The following NARS1 variants were observed in gnomAD, a reference collection of about 807,000 sequenced individuals.
NARS1 encodes the protein asparagine--tRNA ligase, cytoplasmic.
A neutral mutation model predicts 79.2 loss-of-function variants in NARS1; 65 were observed. That is an observed-to-expected ratio of 0.82 (90% CI 0.67 to 1.01). The LOEUF (loss-of-function observed/expected upper bound fraction) is 1.01, where lower values mean the gene tolerates loss of function less well. NARS1 is among the 50% of genes least tolerant of loss of function. The probability of loss-of-function intolerance (pLI) is 0.00; values close to 1 mark genes in which losing one functional copy is unlikely to be tolerated. For synonymous variants in NARS1, 229 were observed against 238.8 expected (o/e 0.96, Z 0.38); for missense variants, 649 against 673.8 (o/e 0.96, Z 0.41).
At chr18:57,606,504 G>A (rs2051558442) in intron 10 of NARS1, 112 bp downstream of exon 10, 1 of 999,232 alleles carries the variant, frequency 1.0e-6, no homozygotes, top group Non-Finnish European at 1.5e-6. Context: ...AAAATAATTA[G>A]TCACTTATTT....
chr18:57,607,705 A>C (rs753653796), intron 7 of NARS1, 40 bp from the exon 8 acceptor site: 9 of 1,505,096 alleles, frequency 6.0e-6, no homozygotes, highest in South Asian at 2.4e-5. Flanking sequence ...AAGAGGGAAA[A>C]GGAAATAAAA....
At chr18:57,602,523 T>C (rs373890998) in intron 12 of NARS1, 37 bp from the exon 13 acceptor site, 2 of 1,610,554 alleles carry the variant, frequency 1.2e-6, no homozygotes, top group African/African-American at 2.7e-5. Flanking sequence ...ACAATTACTA[T>C]CAAGCGATCA....
At chr18:57,610,529 A>G (rs7227010) in intron 6 of NARS1, among the ~76,000 whole-genome samples, 32,601 of 152,166 alleles carry the variant, frequency 0.21, 4,286 homozygotes, top group African/African-American at 0.37. Context: ...TGATGCAACT[A>G]AAAGAACACA....
At chr18:57,609,309 C>G (rs1262350139) in intron 7 of NARS1, 48 bp downstream of exon 7, 2 of 1,443,938 alleles carry the variant, frequency 1.4e-6, no homozygotes, top group Non-Finnish European at 1.9e-6. Flanking sequence ...GAAAACAAAC[C>G]AATAAATAAA....
intron 2 of NARS1, among the ~76,000 whole-genome samples, chr18:57,617,424 T>C (rs1397506916): frequency 6.7e-6 from 1 of 149,502 alleles, no homozygotes; most frequent in Non-Finnish European, 1.5e-5. Context: ...TACAAAAAAT[T>C]AGCCGGGTGT....
chr18:57,607,560 G>A lies in NARS1; in HGVS notation c.685C>T (p.Gln229Ter). 1 of 1,614,036 alleles carries A rather than the reference G, an allele frequency of 6.2e-7. No individual in the cohort carries two copies. Among genetic ancestry groups the A allele is most frequent in the Non-Finnish European group, 8.5e-7 (1 of 1,179,990 alleles). The change falls in exon 8 of 14, where the codon CAG becomes TAG. Residue 229 changes from glutamine to a stop codon, truncating the protein, a stop_gained. Transcript: ENST00000256854. LOFTEE classifies it high-confidence loss of function. ...LINEESDVDV[Q>*]LNNRHMMIRG... ...ATCATCATGTGTCTGTTGTTGAGCT[G>A]GACATCAACGTCAGACTCCTCATTG... is the stretch of plus-strand genomic sequence containing the variant.
chr18:57,613,424 C>T (rs1251170372), intron 5 of NARS1, among the ~76,000 whole-genome samples, 178 bp downstream of exon 5: 1 of 151,992 alleles, frequency 6.6e-6, no homozygotes, highest in Non-Finnish European at 1.5e-5. Flanking sequence ...ACCTGAGAGG[C>T]GGAGGTTGCA....
At chr18:57,608,568 A>G (rs906679675) in intron 7 of NARS1, among the ~76,000 whole-genome samples, 1 of 152,186 alleles carries the variant, frequency 6.6e-6, no homozygotes, top group Admixed American at 6.5e-5. Flanking sequence ...TCTACAGCAC[A>G]GTGGCTATAT....
At chr18:57,604,592 T>C (rs559592596) in intron 11 of NARS1, among the ~76,000 whole-genome samples, 6 of 152,322 alleles carry the variant, frequency 3.9e-5, no homozygotes, top group East Asian at 1.9e-4. Context: ...GGGCCTAGCA[T>C]AGTCTTGGAA....
rs1404637833 is a variant in NARS1 at position 57,601,465 on chromosome 18, T to C, written c.*187A>G. The C allele has an allele frequency of 3.8e-6, 2 of 522,802 alleles. No homozygotes were observed. The highest frequency in any genetic ancestry group is 3.3e-5 in the East Asian group (1 of 30,094). The allele number at this position is 522,802 out of a possible 1,614,324, so 32.4% of individuals were successfully genotyped here. A position where few individuals can be genotyped will look rare whatever the true frequency, so the allele number is the denominator to read the frequency against. The stretch of plus-strand genomic sequence containing the variant: ...ACTTAAGAAAAAAATGGATATTTTT[T>C]CTTAAGATGACAACCTTAATATCAC... On this transcript the variant is annotated 3_prime_UTR_variant, in exon 14 of 14. Coordinates refer to ENST00000256854, the MANE Select transcript of NARS1 (RefSeq NM_004539.4).
intron 2 of NARS1, among the ~76,000 whole-genome samples, chr18:57,617,489 G>A (rs1380247069): frequency 6.8e-6 from 1 of 147,996 alleles, no homozygotes; most frequent in African/African-American, 2.5e-5. Flanking sequence ...GGAGAATGGC[G>A]TGAACCTGGG....
chr18:57,620,536 C>A (rs1471732442), intron 2 of NARS1, 33 bp downstream of exon 2: 1 of 1,355,626 alleles, frequency 7.4e-7, no homozygotes, highest in East Asian at 2.3e-5. Context: ...TTAATAAATG[C>A]AGTCTCATTT....
At chr18:57,606,062 A>G in intron 10 of NARS1, 92 bp from the exon 11 acceptor site, 2 of 833,394 alleles carry the variant, frequency 2.4e-6, no homozygotes, top group Non-Finnish European at 3.7e-6. Flanking sequence ...ATAAAGTATT[A>G]CTTCAGTGAG....
chr18:57,602,435 T>C lies in NARS1; in HGVS notation c.1435A>G (p.Ile479Val), dbSNP rs374667388. ...GCCAGTATTTCTTCACTATCAAAGA[T>C]ACGCATTGAGCCTCCCACAATCTCA... The part of the protein sequence containing the change: ...VGEIVGGSMR[I>V]FDSEEILAGY... The change falls in exon 13 of 14, where the codon ATC becomes GTC. Residue 479 changes from isoleucine (I) to valine (V), a missense_variant. Physicochemically the swap from Ile to Val is conservative, Grantham distance 29. Transcript: ENST00000256854. 12 of 1,613,778 alleles carry C rather than the reference T, an allele frequency of 7.4e-6. No homozygotes were observed. In the African/African-American group the frequency reaches 1.5e-4, roughly 20 times the overall value.
intron 5 of NARS1, among the ~76,000 whole-genome samples, chr18:57,612,701 A>G (rs1326438192): frequency 6.6e-6 from 1 of 152,146 alleles, no homozygotes; most frequent in Non-Finnish European, 1.5e-5. Flanking sequence ...CTCCCGAAGT[A>G]CTGGGATTAT....
intron 4 of NARS1, among the ~76,000 whole-genome samples, chr18:57,614,220 G>T (rs2051628381): frequency 6.6e-6 from 1 of 152,168 alleles, no homozygotes; most frequent in African/African-American, 2.4e-5. Flanking sequence ...TGGAAATCTG[G>T]CTGGGCGTGG....
chr18:57,617,369 G>A (rs1177078925), intron 2 of NARS1, among the ~76,000 whole-genome samples: 3 of 151,490 alleles, frequency 2.0e-5, no homozygotes, highest in South Asian at 2.1e-4. Flanking sequence ...TCAGGAGATC[G>A]AGACCATCCT....
chr18:57,605,149 A>ATATC (rs1568162765), intron 11 of NARS1, among the ~76,000 whole-genome samples: 44 of 147,598 alleles, frequency 3.0e-4, no homozygotes, highest in African/African-American at 1.0e-3. Context: ...ATATATATAT[A>ATATC]TATATCTATA....
At chr18:57,614,927 G>A (rs1325752441) in intron 4 of NARS1, among the ~76,000 whole-genome samples, 1 of 152,208 alleles carries the variant, frequency 6.6e-6, no homozygotes, top group Non-Finnish European at 1.5e-5. Context: ...TGTATTCCCA[G>A]CACTTTGGGA....
Sources: gnomAD v4.1 joint callset for allele counts (sites outside exome capture counted in the v4.1 genomes callset) on GRCh38, gnomAD v4.1.1 for gene constraint, MANE v1.5 for transcripts, NCBI Gene and HGNC (gene_info 2026-07-23, HGNC 2026-07-21) for gene names.